The following MYL6 variants were observed in gnomAD, a reference collection of about 807,000 sequenced individuals.
MYL6 encodes myosin light polypeptide 6.
A neutral mutation model predicts 20.3 loss-of-function variants in MYL6; 20 were observed. The ratio of observed to expected loss-of-function variants is 0.98; its 90% CI spans 0.69 to 1.43. The LOEUF (loss-of-function observed/expected upper bound fraction) is 1.43. Among genes scored for constraint, MYL6 ranks in the 40% most tolerant of loss-of-function variants. The probability of loss-of-function intolerance (pLI) is 0.00; values close to 1 mark genes in which losing one functional copy is unlikely to be tolerated. For synonymous variants in MYL6, 77 were observed against 72.4 expected, an observed-to-expected ratio of 1.06 and a Z score of -0.32; for missense variants, 164 against 191.0, an observed-to-expected ratio of 0.86 and a Z score of 0.83.
chr12:56,159,628 G>A lies in MYL6; in HGVS notation c.73G>A (p.Gly25Ser), dbSNP rs1169719869. The change falls in exon 3 of 7, where the codon GGC becomes AGC. Residue 25 changes from glycine to serine, a missense_variant. Coordinates refer to ENST00000550697, the MANE Select transcript of MYL6 (RefSeq NM_021019.5). ...AFQLFDRTGD[G>S]KILYSQCGDV... is the part of the protein sequence containing the mutation. ...CCAGCTGTTTGACCGAACAGGTGAT[G>A]GCAAGATCCTGTACAGCCAGTGTGG... 3 of 1,614,072 alleles carry A rather than the reference G, an allele frequency of 1.9e-6. No individual in the cohort carries two copies. In the East Asian group the frequency reaches 6.7e-5, roughly 36 times the overall value.
At chr12:56,159,067 T>C in intron 2 of MYL6, 2 of 597,406 alleles carry the variant, frequency 3.3e-6, no homozygotes, top group Non-Finnish European at 5.0e-6. Flanking sequence ...TTGTGATAAC[T>C]GTCCCCGCCC....
intron 5 of MYL6, 51 bp downstream of exon 5, chr12:56,160,371 C>T: frequency 6.2e-7 from 1 of 1,606,920 alleles, no homozygotes. Context: ...TGGGGCAGGT[C>T]AAGTATAGTG....
rs752626450 is a variant in MYL6 at position 56,158,500 on chromosome 12, G to A, written c.3+96G>A. ...GAGAAGGCAGGGGTAGGAGGCAAAGGGAATCTGAGGACCCGAAAGGTTGGA... is the reference window on the plus strand; with the variant it reads ...GAGAAGGCAGGGGTAGGAGGCAAAGAGAATCTGAGGACCCGAAAGGTTGGA... On this transcript the variant is annotated intron_variant, in intron 1 of 6. Transcript: ENST00000550697. 3 of 1,590,768 alleles carry A rather than the reference G, an allele frequency of 1.9e-6. No homozygotes were observed. The African/African-American group carries it at 4.0e-5, about 21-fold the overall frequency.
At chr12:56,159,190 TCTC>T (rs1871541364) in intron 2 of MYL6, 2 of 278,170 alleles carry the variant, frequency 7.2e-6, no homozygotes. Context: ...CTCTGGAAGT[TCTC>T]TTTATACTGG....
At chr12:56,158,466 G>T in intron 1 of MYL6, 62 bp downstream of exon 1, 2 of 1,563,374 alleles carry the variant, frequency 1.3e-6, no homozygotes, top group Non-Finnish European at 8.7e-7. Context: ...GAGACGGGTG[G>T]GGGGCGAGGA....
At chr12:56,161,269 T>G in intron 6 of MYL6, 118 bp from the exon 7 acceptor site, 1 of 1,212,064 alleles carries the variant, frequency 8.3e-7, no homozygotes, top group Non-Finnish European at 1.2e-6. Flanking sequence ...GACCCCAGGG[T>G]TGGTTGCTGT....
At position 56,158,394 on chromosome 12, in the gene MYL6, C is replaced by T. The variant is rs756204667; in HGVS notation, c.-8C>T. The T allele has an allele frequency of 4.6e-6, 7 of 1,523,010 alleles. No individual in the cohort carries two copies. Among genetic ancestry groups the T allele is most frequent in the Middle Eastern group, 2.0e-4 (1 of 5,020 alleles). The allele number at this position is 1,523,010 out of a possible 1,614,324, so 94.3% of individuals were successfully genotyped here. ...CAGGAAAAGGTCCCGGAGAGCTGAG[C>T]AGTCAAGATGGTGGGGCCCAGGTCT... On this transcript the variant is annotated 5_prime_UTR_variant, in exon 1 of 7. Transcript: ENST00000550697.
intron 2 of MYL6, chr12:56,159,218 G>A: frequency 3.5e-6 from 1 of 282,316 alleles, no homozygotes; most frequent in Non-Finnish European, 6.7e-6. Flanking sequence ...GTGCGAAGTG[G>A]CAGGTTGGGA....
chr12:56,160,884 T>G, intron 6 of MYL6: 1 of 603,176 alleles, frequency 1.7e-6, no homozygotes. Context: ...GGCCCTGAGG[T>G]TTTACTTATG....
At chr12:56,159,225 G>A (rs35436573) in intron 2 of MYL6, 22,237 of 286,704 alleles carry the variant, frequency 0.078, 964 homozygotes, top group African/African-American at 0.086. Context: ...GTGGCAGGTT[G>A]GGATGACCCT....
Position 56,161,579 on chromosome 12 carries a change from C to G in MYL6, c.*209C>G. ...CAAATAAACTTGCTCTCTGGGCCCT[C>G]GGTTCGGTTCTTTCTTTCCTGAACA... is the stretch of plus-strand genomic sequence containing the variant. On this transcript the variant is annotated 3_prime_UTR_variant, in exon 7 of 7. Transcript: ENST00000550697. 1.2e-6 allele frequency: 1 copy of G among 826,562 alleles called. No individual in the cohort carries two copies. The highest frequency in any genetic ancestry group is 2.0e-6 in the Non-Finnish European group (1 of 495,810). The allele number at this position is 826,562 out of a possible 1,614,324, so 51.2% of individuals were successfully genotyped here. A position where few individuals can be genotyped will look rare whatever the true frequency, so the allele number is the denominator to read the frequency against.
At chr12:56,158,425 G>C (rs376532165) in intron 1 of MYL6, 21 bp downstream of exon 1, 2 of 1,536,336 alleles carry the variant, frequency 1.3e-6, no homozygotes, top group Non-Finnish European at 1.7e-6. Flanking sequence ...GGTCTTGGGA[G>C]ACGGGCAGGA....
chr12:56,161,133 G>A lies in MYL6; in HGVS notation c.*17-254G>A, dbSNP rs1592263374. 6.6e-6 allele frequency: 4 copies of A among 603,030 alleles called. No individual in the cohort carries two copies. In the South Asian group the frequency reaches 7.8e-5, roughly 12 times the overall value. The allele number at this position is 603,030 out of a possible 1,614,324, so 37.4% of individuals were successfully genotyped here. A position where few individuals can be genotyped will look rare whatever the true frequency, so the allele number is the denominator to read the frequency against. On this transcript the variant is annotated intron_variant, in intron 6 of 6. Coordinates refer to ENST00000550697, the MANE Select transcript of MYL6 (RefSeq NM_021019.5). ...GTGGCTGACAGTAGCTGTAGGTGTA[G>A]TGGAGAACTTTTCTGCCTCTGCTGT...
At chr12:56,159,121 T>G in intron 2 of MYL6, 1 of 354,792 alleles carries the variant, frequency 2.8e-6, no homozygotes, top group Non-Finnish European at 5.0e-6. Context: ...TGACCTGATA[T>G]TCTGTGCAGA....
intron 4 of MYL6, 41 bp downstream of exon 4, chr12:56,160,189 C>G: frequency 6.2e-7 from 1 of 1,613,534 alleles, no homozygotes; most frequent in South Asian, 1.1e-5. Flanking sequence ...AGATGGCACC[C>G]TGAGGTACCT....
chr12:56,160,805 T>G, intron 6 of MYL6, 135 bp downstream of exon 6: 2 of 1,000,190 alleles, frequency 2.0e-6, no homozygotes, highest in South Asian at 1.5e-5. Flanking sequence ...TGGAGCTGAC[T>G]AGGGAGGGGA....
At chr12:56,160,846 G>A (rs1311355792) in intron 6 of MYL6, 176 bp downstream of exon 6, 2 of 682,898 alleles carry the variant, frequency 2.9e-6, no homozygotes, top group Admixed American at 2.8e-5. Flanking sequence ...ACAACCTGGG[G>A]GTACAGTACC....
In MYL6 at chr12:56,160,685, A is replaced by G; in HGVS notation, c.*16+15A>G. On this transcript the variant is annotated intron_variant, in intron 6 of 6. Transcript: ENST00000550697. Reference sequence around the variant, plus strand: ...CCATGGGGCGGGTACGGCTCCTCCCAGCCTCTCCTCTAGTTGATCTCCCCA... The same window carrying G: ...CCATGGGGCGGGTACGGCTCCTCCCGGCCTCTCCTCTAGTTGATCTCCCCA... The G allele has an allele frequency of 6.2e-7, 1 of 1,613,632 alleles. No homozygotes were observed. Among genetic ancestry groups the G allele is most frequent in the African/African-American group, 1.3e-5 (1 of 74,986 alleles).
chr12:56,159,866 A>C, intron 3 of MYL6, 109 bp from the exon 4 acceptor site: 12 of 1,524,450 alleles, frequency 7.9e-6, no homozygotes, highest in Non-Finnish European at 1.1e-5. Flanking sequence ...CCTTGCTTTT[A>C]GTGGGGAGTC....
Sources: gnomAD v4.1 joint callset for allele counts on GRCh38, gnomAD v4.1.1 for gene constraint, MANE v1.5 for transcripts, NCBI Gene and HGNC (gene_info 2026-07-23, HGNC 2026-07-21) for gene names.